KCNIP4: variants seen among roughly 807,000 people sequenced by gnomAD.
KCNIP4 encodes the protein potassium voltage-gated channel interacting protein 4, also known as Kv channel-interacting protein 4.
A neutral mutation model predicts 34.0 loss-of-function variants in KCNIP4; 12 were observed. The ratio of observed to expected loss-of-function variants is 0.35; its 90% confidence interval spans 0.23 to 0.57. The LOEUF is 0.57. Ranked by LOEUF, KCNIP4 falls within the 20% of genes least tolerant of loss-of-function variation. The probability of loss-of-function intolerance (pLI) is 0.83; values close to 1 mark genes in which losing one functional copy is unlikely to be tolerated. For synonymous variants in KCNIP4, 124 were observed against 102.2 expected, an observed-to-expected ratio of 1.21 and a Z score of -1.29; for missense variants, 238 against 311.7, an observed-to-expected ratio of 0.76 and a Z score of 1.78.
intron 1 of KCNIP4, among the ~76,000 whole-genome samples, chr4:21,408,002 C>T (rs1724145838): frequency 6.6e-6 from 1 of 152,166 alleles, no homozygotes; most frequent in African/African-American, 2.4e-5. Context: ...TAGGCCACAG[C>T]TGTCTTTCTA....
chr4:21,798,841 C>G (rs188056933), intron 1 of KCNIP4, among the ~76,000 whole-genome samples: 1 of 152,144 alleles, frequency 6.6e-6, no homozygotes, highest in African/African-American at 2.4e-5. Context: ...TCAAAATAAT[C>G]AGTTCTTTCT....
intron 1 of KCNIP4, among the ~76,000 whole-genome samples, chr4:21,686,610 T>C (rs1750820402): frequency 6.6e-6 from 1 of 152,098 alleles, no homozygotes. Context: ...AATGAGCAAA[T>C]ATACAGGACC....
rs370730724 is a variant in KCNIP4 at position 20,767,212 on chromosome 4, GA to G, written c.289-8323del. On this transcript the variant is annotated intron_variant, in intron 3 of 8. Coordinates refer to ENST00000382152, the MANE Select transcript of KCNIP4 (RefSeq NM_025221.6). ...CAGGTCTGAAATGCAATCAGCTTATGAAGTATATATGAATTACGCTTTCTAT... is the reference window on the plus strand; with the variant it reads ...CAGGTCTGAAATGCAATCAGCTTATGAGTATATATGAATTACGCTTTCTAT... 494 of 152,240 alleles carry G rather than the reference GA, an allele frequency of 3.2e-3. 5 individuals carry two copies. The highest frequency in any genetic ancestry group is 0.012 in the African/African-American group (478 of 41,548). The allele number at this position is 152,240 out of a possible 1,614,324, so 9.4% of individuals were successfully genotyped here.
intron 1 of KCNIP4, among the ~76,000 whole-genome samples, chr4:20,975,503 T>C (rs1735393919): frequency 6.6e-6 from 1 of 152,138 alleles, no homozygotes; most frequent in African/African-American, 2.4e-5. Context: ...ATAACAACTA[T>C]CTAAGTTGGT....
At chr4:21,855,098 T>C (rs1333061092) in intron 1 of KCNIP4, among the ~76,000 whole-genome samples, 4 of 152,234 alleles carry the variant, frequency 2.6e-5, no homozygotes, top group East Asian at 1.9e-4. Context: ...TTAAACATCG[T>C]CTTTAAGCAA....
chr4:21,189,641 A>G (rs1215003169), intron 1 of KCNIP4, among the ~76,000 whole-genome samples: 1 of 151,824 alleles, frequency 6.6e-6, no homozygotes, highest in Non-Finnish European at 1.5e-5. Flanking sequence ...CACTTGTCCT[A>G]AGAAATAAAA....
At chr4:21,774,743 C>T (rs976426432) in intron 1 of KCNIP4, among the ~76,000 whole-genome samples, 4 of 152,120 alleles carry the variant, frequency 2.6e-5, no homozygotes, top group African/African-American at 9.7e-5. Context: ...TTCATCTGTT[C>T]ACACTTGTGT....
chr4:21,342,614 G>A (rs146787056), intron 1 of KCNIP4, among the ~76,000 whole-genome samples: 55 of 151,868 alleles, frequency 3.6e-4, no homozygotes, highest in African/African-American at 1.2e-3. Flanking sequence ...TGTGCTCTGA[G>A]AACTTGATAA....
chr4:21,230,035 A>C (rs73249514), intron 1 of KCNIP4, among the ~76,000 whole-genome samples: 9,315 of 152,200 alleles, frequency 0.061, 330 homozygotes, highest in East Asian at 0.14. Flanking sequence ...AGATGAAATT[A>C]ATTAAGATGA....
chr4:21,119,628 C>T (rs1264295894), intron 1 of KCNIP4, among the ~76,000 whole-genome samples: 3 of 151,816 alleles, frequency 2.0e-5, no homozygotes, highest in African/African-American at 7.3e-5. Flanking sequence ...AATGCCTTTC[C>T]CCACTGCCTA....
chr4:21,416,493 A>T (rs1202311417), intron 1 of KCNIP4, among the ~76,000 whole-genome samples: 1 of 152,226 alleles, frequency 6.6e-6, no homozygotes, highest in Non-Finnish European at 1.5e-5. Flanking sequence ...TAGCACAGCA[A>T]GCCACTGAGA....
intron 1 of KCNIP4, among the ~76,000 whole-genome samples, chr4:21,091,998 C>A (rs967518215): frequency 6.6e-6 from 1 of 152,152 alleles, no homozygotes; most frequent in African/African-American, 2.4e-5. Context: ...GGCTCAGCAA[C>A]TGGCCAAGCC....
At chr4:21,374,016 A>AT (rs1181393903) in intron 1 of KCNIP4, among the ~76,000 whole-genome samples, 1 of 147,296 alleles carries the variant, frequency 6.8e-6, no homozygotes, top group South Asian at 2.1e-4. Context: ...AGGGTTTCTC[A>AT]TTTTTAGAAT....
intron 1 of KCNIP4, among the ~76,000 whole-genome samples, chr4:21,396,910 G>C (rs990265888): frequency 4.6e-5 from 7 of 152,092 alleles, no homozygotes; most frequent in Admixed American, 3.9e-4. Context: ...TCAAATTTCT[G>C]GTGTGCAGAA....
intron 1 of KCNIP4, among the ~76,000 whole-genome samples, chr4:21,340,843 A>G (rs1403298315): frequency 6.6e-6 from 1 of 152,146 alleles, no homozygotes; most frequent in Non-Finnish European, 1.5e-5. Flanking sequence ...CAACATGGCC[A>G]GCTCCGTATA....
At chr4:20,770,601 T>G (rs1419544675) in intron 3 of KCNIP4, among the ~76,000 whole-genome samples, 1 of 151,960 alleles carries the variant, frequency 6.6e-6, no homozygotes, top group Non-Finnish European at 1.5e-5. Flanking sequence ...TTCAACTAAC[T>G]GTGGCTTGAG....
intron 1 of KCNIP4, among the ~76,000 whole-genome samples, chr4:21,627,368 T>C (rs1399780448): frequency 1.3e-5 from 2 of 152,124 alleles, no homozygotes; most frequent in Non-Finnish European, 2.9e-5. Context: ...TTTTTCCCGA[T>C]CTGTCTTTCC....
intron 1 of KCNIP4, among the ~76,000 whole-genome samples, chr4:21,536,633 T>C (rs761955743): frequency 5.9e-5 from 9 of 151,906 alleles, no homozygotes; most frequent in Admixed American, 1.3e-4. Flanking sequence ...ACAAAAAATA[T>C]AGCTGGGTGT....
intron 1 of KCNIP4, among the ~76,000 whole-genome samples, chr4:21,427,989 T>C (rs1447540140): frequency 1.3e-5 from 2 of 152,152 alleles, no homozygotes; most frequent in Non-Finnish European, 2.9e-5. Context: ...AAAAAAAATG[T>C]TTTAAACATA....
Sources: gnomAD v4.1 joint callset for allele counts (sites outside exome capture counted in the v4.1 genomes callset) on GRCh38, gnomAD v4.1.1 for gene constraint, MANE v1.5 for transcripts, NCBI Gene and HGNC (gene_info 2026-07-23, HGNC 2026-07-21) for gene names.